Variants in PARD3B observed in about 807,000 individuals in gnomAD.
PARD3B encodes the protein par-3 family cell polarity regulator beta, also known as partitioning defective 3 homolog B.
A neutral mutation model predicts 130.2 loss-of-function variants in PARD3B; 103 were observed. The observed-to-expected ratio is 0.79, with a 90% confidence interval of 0.67 to 0.93. The LOEUF is 0.93. Ranked by LOEUF, PARD3B falls within the 40% of genes least tolerant of loss-of-function variation. The pLI is 0.00. For missense variants in PARD3B, 1,609 were observed against 1,499.2 expected (o/e 1.07, Z -1.21); for synonymous variants, 583 against 553.2 (o/e 1.05, Z -0.76).
intron 2 of PARD3B, among the ~76,000 whole-genome samples, chr2:204,790,915 G>A (rs566949326): frequency 3.3e-5 from 5 of 151,996 alleles, no homozygotes; most frequent in African/African-American, 1.2e-4. Context: ...GACCAGCCGG[G>A]CCAACATGGT....
intron 2 of PARD3B, among the ~76,000 whole-genome samples, chr2:204,854,566 C>T (rs1271248154): frequency 1.3e-5 from 2 of 152,046 alleles, no homozygotes; most frequent in East Asian, 3.9e-4. Flanking sequence ...AATGGGGCAT[C>T]GTTTTCACCC....
chr2:205,445,979 A>G (rs1443672838), intron 20 of PARD3B, among the ~76,000 whole-genome samples: 1 of 152,204 alleles, frequency 6.6e-6, no homozygotes, highest in Non-Finnish European at 1.5e-5. Flanking sequence ...TTCATTATGG[A>G]TATTAGGATC....
intron 10 of PARD3B, among the ~76,000 whole-genome samples, chr2:205,137,070 T>C (rs907771271): frequency 2.0e-5 from 3 of 152,166 alleles, no homozygotes; most frequent in South Asian, 2.1e-4. Context: ...TATAAGAATA[T>C]AGCATGGTAC....
intron 1 of PARD3B, among the ~76,000 whole-genome samples, chr2:204,590,897 A>G (rs73984245): frequency 2.4e-4 from 37 of 152,334 alleles, no homozygotes; most frequent in African/African-American, 8.2e-4. Context: ...TTCAAGTTGT[A>G]TATACAACAT....
At position 205,091,014 on chromosome 2, in the gene PARD3B, AT is replaced by A. The variant is rs1301323319; in HGVS notation, c.505-13411del. Among the ~76,000 whole-genome samples the A allele has an allele frequency of 1.3e-5, 2 of 152,322 alleles. No individual in the cohort carries two copies. The highest frequency in any genetic ancestry group is 3.9e-4 in the East Asian group (2 of 5,182). ...ATGGGATTCAAGGATTAATCCAGAG[AT>A]GATATTTGGATTAAATCATCACTGT... is the stretch of plus-strand genomic sequence containing the variant. On this transcript the variant is annotated intron_variant, in intron 4 of 22. Coordinates refer to ENST00000406610, the MANE Select transcript of PARD3B (RefSeq NM_001302769.2). The surrounding 1 kb of genome is among the most constrained non-coding windows in gnomAD (Gnocchi z 4.2).
At chr2:205,145,987 C>T (rs1269857466) in intron 10 of PARD3B, among the ~76,000 whole-genome samples, 1 of 152,158 alleles carries the variant, frequency 6.6e-6, no homozygotes, top group Non-Finnish European at 1.5e-5. Context: ...GAAGCCAGCC[C>T]TAAATGGGCA....
chr2:205,259,560 T>C (rs1362191799), intron 16 of PARD3B, among the ~76,000 whole-genome samples: 3 of 152,014 alleles, frequency 2.0e-5, no homozygotes, highest in Non-Finnish European at 4.4e-5. Context: ...ATATTATCCT[T>C]CTTGGTATGT....
Position 204,943,629 on chromosome 2 carries a change from T to C in PARD3B, c.223-21523T>C, listed in dbSNP as rs1374670908. The stretch of plus-strand genomic sequence containing the variant: ...ATTTCTTAAGTTACCCAGTTTGGAA[T>C]TTATTTTGTTTTATTGTATTGGATT... On this transcript the variant is annotated intron_variant, in intron 2 of 22. Coordinates refer to ENST00000406610, the MANE Select transcript of PARD3B (RefSeq NM_001302769.2). This position sits in a 1 kb window ranked among gnomAD's most constrained non-coding sequence, Gnocchi z 4.2. Among the ~76,000 whole-genome samples, 1 of 152,200 alleles carries C rather than the reference T, an allele frequency of 6.6e-6. No individual in the cohort carries two copies. Among genetic ancestry groups the C allele is most frequent in the African/African-American group, 2.4e-5 (1 of 41,440 alleles).
At chr2:204,844,510 T>C (rs990592080) in intron 2 of PARD3B, among the ~76,000 whole-genome samples, 1 of 152,188 alleles carries the variant, frequency 6.6e-6, no homozygotes, top group Non-Finnish European at 1.5e-5. Context: ...AGAAATGCTC[T>C]CACAGATGTC....
rs1466368268 is a variant in PARD3B at position 205,572,811 on chromosome 2, T to C, written c.3260+19408T>C. On this transcript the variant is annotated intron_variant, in intron 22 of 22. Transcript: ENST00000406610. This position sits in a 1 kb window ranked among gnomAD's most constrained non-coding sequence, Gnocchi z 4.2. The stretch of plus-strand genomic sequence containing the variant: ...GGGCATTGTGAAACTGTTTATGTGG[T>C]CCCTACAAAAGATGCTGAAAGCCTG... Among the ~76,000 whole-genome samples the C allele has an allele frequency of 6.6e-6, 1 of 152,114 alleles. No individual in the cohort carries two copies. Among genetic ancestry groups the C allele is most frequent in the African/African-American group, 2.4e-5 (1 of 41,426 alleles).
intron 18 of PARD3B, among the ~76,000 whole-genome samples, chr2:205,322,724 TTAGA>T (rs1367621860): frequency 8.6e-5 from 13 of 152,002 alleles, no homozygotes; most frequent in Non-Finnish European, 1.6e-4. Flanking sequence ...TGAGATTTAA[TTAGA>T]TAGAGCTGCT....
Position 204,701,734 on chromosome 2 carries a change from AT to A in PARD3B, c.222+15462del, listed in dbSNP as rs943390664. On this transcript the variant is annotated intron_variant, in intron 2 of 22. Coordinates refer to ENST00000406610, the MANE Select transcript of PARD3B (RefSeq NM_001302769.2). ...ACTGAGGAAGCAATTTTATTTTATTATTTTTTTTTTCTTTTTCAACTTTTAG... is the reference window on the plus strand; with the variant it reads ...ACTGAGGAAGCAATTTTATTTTATTATTTTTTTTTCTTTTTCAACTTTTAG... 4.3e-3 allele frequency among the ~76,000 whole-genome samples: 638 copies of A among 149,764 alleles called. 4 individuals carry two copies. The highest frequency in any genetic ancestry group is 0.013 in the African/African-American group (546 of 40,892).
chr2:205,254,664 A>ATTT (rs199515695), intron 16 of PARD3B, among the ~76,000 whole-genome samples: 1 of 128,358 alleles, frequency 7.8e-6, no homozygotes, highest in Non-Finnish European at 1.6e-5. Flanking sequence ...ATTTTATTTT[A>ATTT]TTTTATTTTT....
chr2:204,579,208 G>T (rs1208231214), intron 1 of PARD3B, among the ~76,000 whole-genome samples: 2 of 151,932 alleles, frequency 1.3e-5, no homozygotes, highest in African/African-American at 4.8e-5. Context: ...CTCTGGGAAG[G>T]CACACTCTAG....
intron 1 of PARD3B, among the ~76,000 whole-genome samples, chr2:204,676,202 T>C (rs2036533083): frequency 6.6e-6 from 1 of 152,036 alleles, no homozygotes; most frequent in Admixed American, 6.5e-5. Context: ...AATGTTCAAA[T>C]CAATATAAAA....
At chr2:205,318,631 C>T (rs2042641320) in intron 18 of PARD3B, among the ~76,000 whole-genome samples, 2 of 152,034 alleles carry the variant, frequency 1.3e-5, no homozygotes, top group Non-Finnish European at 2.9e-5. Flanking sequence ...AAGGGTAATC[C>T]CTTTAGCATT....
intron 14 of PARD3B, among the ~76,000 whole-genome samples, chr2:205,192,896 T>C (rs950930269): frequency 2.0e-5 from 3 of 152,212 alleles, no homozygotes; most frequent in African/African-American, 7.2e-5. Context: ...GCTAGTGTTT[T>C]CCAGGCCCTC....
intron 1 of PARD3B, among the ~76,000 whole-genome samples, chr2:204,656,010 C>T (rs2035626195): frequency 6.6e-6 from 1 of 151,994 alleles, no homozygotes. Context: ...GCAGGCTAGT[C>T]TGGGCCTTTT....
At chr2:205,490,614 C>T (rs555731101) in intron 20 of PARD3B, among the ~76,000 whole-genome samples, 103 of 152,204 alleles carry the variant, frequency 6.8e-4, no homozygotes, top group Middle Eastern at 3.4e-3. Context: ...TATAATCCTT[C>T]AGGTATATAC....
Sources: gnomAD v4.1 joint callset for allele counts (sites outside exome capture counted in the v4.1 genomes callset) on GRCh38, gnomAD v4.1.1 for gene constraint, Gnocchi (gnomAD v3.1) non-coding constraint, MANE v1.5 for transcripts, NCBI Gene and HGNC (gene_info 2026-07-23, HGNC 2026-07-21) for gene names.